Variants in NF1 observed in about 807,000 individuals in gnomAD.
NF1 encodes neurofibromin.
NF1 carries 122 observed loss-of-function variants against 325.7 expected under a neutral mutation model. That is an observed-to-expected ratio of 0.37 (90% CI 0.32 to 0.44). The LOEUF is 0.44. NF1 is among the 20% of genes least tolerant of loss of function. NF1 has a pLI of 1.00. For missense variants in NF1, 2,140 were observed against 3,415.4 expected, an observed-to-expected ratio of 0.63 and a Z score of 9.31; for synonymous variants, 1,091 against 1,186.0, an observed-to-expected ratio of 0.92 and a Z score of 1.65.
At chr17:31,157,064 G>A (rs1185707427) in intron 2 of NF1, among the ~76,000 whole-genome samples, 1 of 152,116 alleles carries the variant, frequency 6.6e-6, no homozygotes, top group Non-Finnish European at 1.5e-5. Context: ...TCGGCTTACT[G>A]TAACCTCCCC....
intron 4 of NF1, among the ~76,000 whole-genome samples, chr17:31,168,815 A>G (rs374320092): frequency 2.0e-4 from 30 of 152,260 alleles, no homozygotes; most frequent in East Asian, 1.2e-3. Flanking sequence ...GTTTTTAGTA[A>G]TCACTGATGA....
chr17:31,313,982 A>G (rs1597812765), intron 36 of NF1: 1 of 398,120 alleles, frequency 2.5e-6, no homozygotes. Flanking sequence ...TTCTTACCTC[A>G]GCTGTTAACT....
chr17:31,114,609 C>T (rs537317367), intron 1 of NF1, among the ~76,000 whole-genome samples: 1 of 151,768 alleles, frequency 6.6e-6, no homozygotes, highest in African/African-American at 2.4e-5. Context: ...GTAATCCCAG[C>T]ACTCTGGAAG....
At chr17:31,218,689 A>T (rs1228855629) in intron 13 of NF1, among the ~76,000 whole-genome samples, 2 of 151,954 alleles carry the variant, frequency 1.3e-5, no homozygotes, top group Non-Finnish European at 2.9e-5. Context: ...CTCCTGCCTC[A>T]GCCTCCCAAG....
At position 31,376,726 on chromosome 17, in the gene NF1, C is replaced by T. The variant is rs1306926076; in HGVS notation, c.*2571C>T. 8 of 233,120 alleles carry T rather than the reference C, an allele frequency of 3.4e-5. No individual in the cohort carries two copies. The highest frequency in any genetic ancestry group is 2.4e-4 in the East Asian group (4 of 16,580). 14.4% of individuals were successfully genotyped at this position (233,120 alleles called of 1,614,324 possible). A position where few individuals can be genotyped will look rare whatever the true frequency, so the allele number is the denominator to read the frequency against. ...TAAAAATATTATAAGTAATTCGTTT[C>T]GGTTTGTAGATGTTTCCCCTGACTT... On this transcript the variant is annotated 3_prime_UTR_variant, in exon 58 of 58. Coordinates refer to ENST00000358273, the MANE Select transcript of NF1 (RefSeq NM_001042492.3).
chr17:31,206,483 A>C, intron 12 of NF1, 112 bp downstream of exon 12: 1 of 1,227,754 alleles, frequency 8.1e-7, no homozygotes, highest in Non-Finnish European at 1.2e-6. Context: ...TGGGTCCTTC[A>C]TTTCCTCTAA....
At chr17:31,308,390 C>T (rs992524168) in intron 36 of NF1, among the ~76,000 whole-genome samples, 3 of 152,170 alleles carry the variant, frequency 2.0e-5, no homozygotes, top group African/African-American at 4.8e-5. Context: ...ATCTGTCCGC[C>T]TCAGCCTCCC....
intron 36 of NF1, among the ~76,000 whole-genome samples, chr17:31,323,570 C>T (rs935778591): frequency 6.6e-6 from 1 of 152,154 alleles, no homozygotes; most frequent in South Asian, 2.1e-4. Context: ...AAACCTAAGC[C>T]CTTTGGTTGG....
intron 36 of NF1, chr17:31,272,266 A>G (rs2067914204): frequency 6.6e-6 from 1 of 152,400 alleles, no homozygotes; most frequent in Non-Finnish European, 1.5e-5. Context: ...TACACAAAAC[A>G]GCAAAAATAT....
chr17:31,176,047 A>G (rs2066017305), intron 5 of NF1, among the ~76,000 whole-genome samples: 1 of 152,184 alleles, frequency 6.6e-6, no homozygotes, highest in African/African-American at 2.4e-5. Context: ...CAGTAATGGG[A>G]TGGCTGGGTC....
intron 1 of NF1, among the ~76,000 whole-genome samples, chr17:31,139,586 G>A (rs1916065750): frequency 6.6e-6 from 1 of 152,172 alleles, no homozygotes; most frequent in Admixed American, 6.5e-5. Flanking sequence ...CATGTGCATG[G>A]GCTAGGGTAA....
chr17:31,158,912 A>G (rs999237033), intron 2 of NF1, 98 bp from the exon 3 acceptor site: 1 of 726,868 alleles, frequency 1.4e-6, no homozygotes, highest in Non-Finnish European at 2.5e-6. Flanking sequence ...AAAATGGAAG[A>G]CTATTGTTGA....
At chr17:31,340,484 C>T (rs2151561334) in intron 46 of NF1, 21 bp from the exon 47 acceptor site, 2 of 1,614,114 alleles carry the variant, frequency 1.2e-6, no homozygotes, top group Non-Finnish European at 1.7e-6. Flanking sequence ...TTACTAGCCT[C>T]AAACATATCT....
At chr17:31,099,127 T>G (rs1912066035) in intron 1 of NF1, among the ~76,000 whole-genome samples, 1 of 152,070 alleles carries the variant, frequency 6.6e-6, no homozygotes, top group South Asian at 2.1e-4. Context: ...AGATGGCAAC[T>G]CTGTTTATGA....
chr17:31,244,632 T>C (rs17884344), intron 29 of NF1, among the ~76,000 whole-genome samples: 2,037 of 152,280 alleles, frequency 0.013, 52 homozygotes, highest in African/African-American at 0.045. Flanking sequence ...ATCACTGTGC[T>C]GTCCGTCCCC....
chr17:31,351,986 A>G (rs2151576453), intron 50 of NF1, among the ~76,000 whole-genome samples: 1 of 151,830 alleles, frequency 6.6e-6, no homozygotes, highest in South Asian at 2.1e-4. Flanking sequence ...CTGTTGCTAT[A>G]CCTTTTTATT....
intron 33 of NF1, among the ~76,000 whole-genome samples, chr17:31,260,076 C>T (rs1449575544): frequency 6.6e-6 from 1 of 152,142 alleles, no homozygotes; most frequent in African/African-American, 2.4e-5. Flanking sequence ...TCGTCTGGAC[C>T]TTCATTTCCT....
rs1019229165 is a variant in NF1 at position 31,249,133 on chromosome 17, T to C, written c.4110+14T>C. On this transcript the variant is annotated intron_variant, in intron 30 of 57. Coordinates refer to ENST00000358273, the MANE Select transcript of NF1 (RefSeq NM_001042492.3). ...TGTTTATACCAGGTATGCTTACAGT[T>C]AGAGATTACCATTATTAATCTAAAG... 1.4e-5 allele frequency: 22 copies of C among 1,613,156 alleles called. No individual in the cohort carries two copies. The highest frequency in any genetic ancestry group is 3.3e-5 in the Admixed American group (2 of 59,986).
intron 36 of NF1, among the ~76,000 whole-genome samples, chr17:31,282,321 G>A (rs532465271): frequency 6.7e-6 from 1 of 150,232 alleles, no homozygotes; most frequent in East Asian, 2.0e-4. Context: ...GGCGGAGCTT[G>A]CAGTGAGCTG....
Sources: allele counts gnomAD v4.1 joint callset (sites outside exome capture counted in the v4.1 genomes callset), GRCh38; gene constraint gnomAD v4.1.1; transcripts MANE v1.5; gene names NCBI Gene and HGNC (gene_info 2026-07-23, HGNC 2026-07-21).